The following MCPH1 variants were observed in gnomAD, a reference collection of about 807,000 sequenced individuals.
MCPH1 encodes microcephalin 1.
Under a neutral mutation model 84.5 loss-of-function variants are expected in MCPH1, and 104 were observed. That is an observed-to-expected ratio of 1.23 (90% confidence interval 1.05 to 1.45). The LOEUF (loss-of-function observed/expected upper bound fraction) is 1.45, where lower values mean the gene tolerates loss of function less well. MCPH1 is among the 40% of genes most tolerant of loss of function. MCPH1 has a pLI of 0.00. For synonymous variants in MCPH1, 514 were observed against 366.8 expected, an observed-to-expected ratio of 1.40 and a Z score of -4.58; for missense variants, 1,498 against 1,005.7, an observed-to-expected ratio of 1.49 and a Z score of -6.62.
intron 13 of MCPH1, among the ~76,000 whole-genome samples, chr8:6,639,480 G>C (rs2129583583): frequency 6.6e-6 from 1 of 152,168 alleles, no homozygotes; most frequent in East Asian, 1.9e-4. Context: ...TGGCAACATA[G>C]AAAGACCGTG....
chr8:6,496,430 G>C (rs181707354), intron 11 of MCPH1, among the ~76,000 whole-genome samples: 1 of 152,250 alleles, frequency 6.6e-6, no homozygotes, highest in African/African-American at 2.4e-5. Flanking sequence ...GTTCCTAATA[G>C]GCCACAGACT....
chr8:6,621,271 G>C, intron 12 of MCPH1, 183 bp from the exon 13 acceptor site: 1 of 761,426 alleles, frequency 1.3e-6, no homozygotes. Context: ...GAAAACGTCA[G>C]TTTTATGTCA....
At position 6,552,867 on chromosome 8, in the gene MCPH1, T is replaced by C. The variant is rs576770780; in HGVS notation, c.2214+52938T>C. 3.1e-4 allele frequency among the ~76,000 whole-genome samples: 47 copies of C among 152,110 alleles called. 1 individual carries two copies. Among genetic ancestry groups the C allele is most frequent in the African/African-American group, 1.1e-3 (44 of 41,432 alleles). On this transcript the variant is annotated intron_variant, in intron 12 of 13. Transcript: ENST00000344683. ...GTGAAAGAAGCCAGTCCGAAAAGGC[T>C]GTATATTTTATGATTCCAACTGTAT...
chr8:6,571,582 AT>A (rs1383255190), intron 12 of MCPH1, among the ~76,000 whole-genome samples: 3 of 152,154 alleles, frequency 2.0e-5, no homozygotes, highest in East Asian at 1.9e-4. Flanking sequence ...AATTTATAAA[AT>A]TTTTATCTTA....
intron 12 of MCPH1, among the ~76,000 whole-genome samples, chr8:6,600,335 G>T (rs564402204): frequency 6.6e-6 from 1 of 152,260 alleles, no homozygotes; most frequent in Admixed American, 6.5e-5. Context: ...CTAGCTGGCC[G>T]TGGGTGCTGG....
intron 9 of MCPH1, chr8:6,477,224 A>C (rs1445508759): frequency 4.4e-6 from 1 of 226,646 alleles, no homozygotes; most frequent in Non-Finnish European, 8.7e-6. Context: ...AGAAGTCTTG[A>C]GAAAAGTGGC....
intron 11 of MCPH1, among the ~76,000 whole-genome samples, chr8:6,485,913 G>A (rs1389570862): frequency 2.6e-5 from 4 of 152,104 alleles, no homozygotes; most frequent in Non-Finnish European, 4.4e-5. Context: ...ATGTTCACAG[G>A]TTGCTCCTGA....
intron 12 of MCPH1, among the ~76,000 whole-genome samples, chr8:6,600,661 G>C (rs117869636): frequency 1.0e-3 from 159 of 152,340 alleles, no homozygotes; most frequent in Non-Finnish European, 1.2e-3. Context: ...GATTTCTTAA[G>C]TTTTTAGTTT....
chr8:6,548,236 T>C (rs1236142070), intron 12 of MCPH1, among the ~76,000 whole-genome samples: 1 of 152,166 alleles, frequency 6.6e-6, no homozygotes, highest in Non-Finnish European at 1.5e-5. Flanking sequence ...GTGAAGGCTT[T>C]GTCCAAAATG....
chr8:6,627,572 G>T (rs547276365), intron 13 of MCPH1, among the ~76,000 whole-genome samples: 1 of 152,160 alleles, frequency 6.6e-6, no homozygotes, highest in Non-Finnish European at 1.5e-5. Context: ...TGGTAATGTC[G>T]ACATCTGAGA....
intron 12 of MCPH1, among the ~76,000 whole-genome samples, chr8:6,599,518 A>C (rs1404468252): frequency 3.3e-5 from 5 of 152,236 alleles, no homozygotes; most frequent in South Asian, 2.1e-4. Flanking sequence ...GTTGGAATGG[A>C]GACAAAAACC....
chr8:6,623,917 G>A (rs1424142813), intron 13 of MCPH1, among the ~76,000 whole-genome samples: 3 of 152,194 alleles, frequency 2.0e-5, no homozygotes, highest in Non-Finnish European at 2.9e-5. Context: ...TGACGGAACT[G>A]TGCACACGAT....
In MCPH1 at chr8:6,643,227, T is replaced by C. The variant is rs1586909324; in HGVS notation, c.*178T>C. ...CATAGGTGACTTTCTGATGACTGAA[T>C]GTCTGTTTCAGAGACGCTTCGGGCC... On this transcript the variant is annotated 3_prime_UTR_variant, in exon 14 of 14. Transcript: ENST00000344683. 2 of 671,336 alleles carry C rather than the reference T, an allele frequency of 3.0e-6. No individual in the cohort carries two copies. Among genetic ancestry groups the C allele is most frequent in the Admixed American group, 2.3e-5 (1 of 43,050 alleles). 41.6% of individuals were successfully genotyped at this position (671,336 alleles called of 1,614,324 possible). A position where few individuals can be genotyped will look rare whatever the true frequency, so the allele number is the denominator to read the frequency against.
intron 12 of MCPH1, among the ~76,000 whole-genome samples, chr8:6,522,101 A>G (rs1817463014): frequency 6.6e-6 from 1 of 152,210 alleles, no homozygotes; most frequent in Non-Finnish European, 1.5e-5. Context: ...CACGCTTGTA[A>G]TCCCAGCACT....
At chr8:6,457,949 C>G (rs1805876783) in intron 9 of MCPH1, among the ~76,000 whole-genome samples, 1 of 152,084 alleles carries the variant, frequency 6.6e-6, no homozygotes. Context: ...CTGCCTGGCC[C>G]CAAGCCAGAC....
chr8:6,534,265 A>G (rs185472943), intron 12 of MCPH1, among the ~76,000 whole-genome samples: 92 of 152,360 alleles, frequency 6.0e-4, no homozygotes, highest in Non-Finnish European at 6.2e-4. Flanking sequence ...ACAGTATAGC[A>G]ACTATTTACA....
chr8:6,623,377 TCTCA>T (rs1563205635), intron 13 of MCPH1, among the ~76,000 whole-genome samples: 1 of 152,018 alleles, frequency 6.6e-6, no homozygotes, highest in Non-Finnish European at 1.5e-5. Context: ...TCTCCTGTTC[TCTCA>T]TTCTTTTTCT....
intron 10 of MCPH1, among the ~76,000 whole-genome samples, chr8:6,479,640 T>A (rs1286287084): frequency 6.6e-6 from 1 of 151,962 alleles, no homozygotes; most frequent in African/African-American, 2.4e-5. Flanking sequence ...TTTCACCATG[T>A]TGTTGTATAT....
rs561466453 is a variant in MCPH1 at position 6,447,219 on chromosome 8, C to G, written c.1825+1672C>G. 94 of 985,286 alleles carry G rather than the reference C, an allele frequency of 9.5e-5. No individual in the cohort carries two copies. In the African/African-American group the frequency reaches 1.6e-3, roughly 16 times the overall value. 61.0% of individuals were successfully genotyped at this position (985,286 alleles called of 1,614,324 possible). On this transcript the variant is annotated intron_variant, in intron 8 of 13. Transcript: ENST00000344683. The stretch of plus-strand genomic sequence containing the variant: ...TGTTTTAAACTGTCCACTGTCAGCC[C>G]CCTGGGACTCAGGTGAACCAACTCT...
Sources: allele counts gnomAD v4.1 joint callset (sites outside exome capture counted in the v4.1 genomes callset), GRCh38; gene constraint gnomAD v4.1.1; transcripts MANE v1.5; gene names NCBI Gene and HGNC (gene_info 2026-07-23, HGNC 2026-07-21).